The following LHX5 variants were observed in gnomAD, a reference collection of about 807,000 sequenced individuals.
LHX5 encodes the protein LIM/homeobox protein Lhx5.
Under a neutral mutation model 30.6 loss-of-function variants are expected in LHX5, and 5 were observed. The observed-to-expected ratio is 0.16, with a 90% CI of 0.09 to 0.34. The LOEUF (loss-of-function observed/expected upper bound fraction) is 0.34, where lower values mean the gene tolerates loss of function less well. LHX5 is among the 10% of genes least tolerant of loss of function. The probability of loss-of-function intolerance (pLI) is 1.00; values close to 1 mark genes in which losing one functional copy is unlikely to be tolerated. For missense variants in LHX5, 458 were observed against 570.6 expected, an observed-to-expected ratio of 0.80 and a Z score of 2.01; for synonymous variants, 266 against 252.6, an observed-to-expected ratio of 1.05 and a Z score of -0.50.
Position 113,471,607 on chromosome 12 carries a change from G to A in LHX5, c.-109C>T. The A allele has an allele frequency of 4.6e-6, 5 of 1,077,610 alleles. No homozygotes were observed. The highest frequency in any genetic ancestry group is 6.6e-6 in the Non-Finnish European group (5 of 759,976). The allele number at this position is 1,077,610 out of a possible 1,614,324, so 66.8% of individuals were successfully genotyped here. On this transcript the variant is annotated 5_prime_UTR_variant, in exon 1 of 5. Transcript: ENST00000261731. ...TCGCCTCTTGTCTCAGCAGCTGCAG[G>A]GCGAGTCTGGTCCGGACCAAGACTC...
chr12:113,468,568 C>T (rs1030806271), intron 2 of LHX5, among the ~76,000 whole-genome samples, 164 bp from the exon 3 acceptor site: 2 of 152,176 alleles, frequency 1.3e-5, no homozygotes, highest in Non-Finnish European at 2.9e-5. Context: ...CCCCAGGGAC[C>T]CGGTGCCCGC....
In LHX5 at chr12:113,463,738, G is replaced by C. The variant is rs570073739; in HGVS notation, c.842-181C>G. ...GAGACGGTGGACGTCGCAGGCTCAC[G>C]GGGAGGGTTGGGGAGAGAGACAATG... On this transcript the variant is annotated intron_variant, in intron 4 of 4. Transcript: ENST00000261731. The surrounding 1 kb of genome is among the most constrained non-coding windows in gnomAD (Gnocchi z 6.7). 9.6e-4 allele frequency among the ~76,000 whole-genome samples: 146 copies of C among 152,254 alleles called. 2 individuals are homozygous for C. The highest frequency in any genetic ancestry group is 7.5e-3 in the Admixed American group (115 of 15,302).
At chr12:113,468,997 G>T in intron 2 of LHX5, 125 bp downstream of exon 2, 1 of 723,156 alleles carries the variant, frequency 1.4e-6, no homozygotes, top group Non-Finnish European at 2.2e-6. Flanking sequence ...CCCTAGAACT[G>T]CCTGGGGCTG....
rs774044841 is a variant in LHX5, at chr12:113,468,145, G to C, written c.657C>G (p.Leu219=). 1.3e-6 allele frequency: 2 copies of C among 1,599,130 alleles called. No homozygotes were observed. Among genetic ancestry groups the C allele is most frequent in the African/African-American group, 2.7e-5 (2 of 74,686 alleles). The change falls in exon 3 of 5, where the codon CTC becomes CTG. Residue 219 remains leucine, a synonymous_variant. Coordinates refer to ENST00000261731, the MANE Select transcript of LHX5 (RefSeq NM_022363.3). ...IREQLAQETG[L]NMRVIQVWFQ... is the part of the protein sequence containing the mutation. ...GCCGCACCTGGATGACGCGCATGTT[G>C]AGGCCGGTCTCCTGCGCCAGCTGCT...
chr12:113,463,613 G>C lies in LHX5; in HGVS notation c.842-56C>G. 6.8e-7 allele frequency: 1 copy of C among 1,460,510 alleles called. No homozygotes were observed. The allele number at this position is 1,460,510 out of a possible 1,614,324, so 90.5% of individuals were successfully genotyped here. ...CGCGGTGAGAGAAGGCGAAGTAGGCGGGGGACCCGGGACCCGGGGAGGGGA... is the reference window on the plus strand; with the variant it reads ...CGCGGTGAGAGAAGGCGAAGTAGGCCGGGGACCCGGGACCCGGGGAGGGGA... On this transcript the variant is annotated intron_variant, in intron 4 of 4. Coordinates refer to ENST00000261731, the MANE Select transcript of LHX5 (RefSeq NM_022363.3). This position sits in a 1 kb window ranked among gnomAD's most constrained non-coding sequence, Gnocchi z 6.7.
chr12:113,463,393 C>A lies in LHX5; in HGVS notation c.1006G>T (p.Ala336Ser). 6.4e-7 allele frequency: 1 copy of A among 1,554,738 alleles called. No individual in the cohort carries two copies. Among genetic ancestry groups the A allele is most frequent in the East Asian group, 2.4e-5 (1 of 40,954 alleles). Reference sequence around the variant, plus strand: ...ATGTCGGTGAACCTGGGGTTGTCCGCGGCGTGCGGGCCGGCGAGCGGCGGT... The same window carrying A: ...ATGTCGGTGAACCTGGGGTTGTCCGAGGCGTGCGGGCCGGCGAGCGGCGGT... ...LEPPLAGPHA[A>S]DNPRFTDMIS... The change falls in exon 5 of 5, where the codon GCG (alanine) becomes TCG (serine). Residue 336 changes from alanine (A) to serine (S), a missense_variant. Transcript: ENST00000261731. This position sits in a 1 kb window ranked among gnomAD's most constrained non-coding sequence, Gnocchi z 6.7.
rs145928738 is a variant in LHX5 at position 113,471,739 on chromosome 12, C to G, written c.-241G>C. 5 of 468,332 alleles carry G rather than the reference C, an allele frequency of 1.1e-5. No homozygotes were observed. In the Admixed American group the frequency reaches 1.6e-4, roughly 15 times the overall value. 29.0% of individuals were successfully genotyped at this position (468,332 alleles called of 1,614,324 possible). ...ACCTCATGCCACGGGCCGCACGCCC[C>G]GGCGCCTGTTCCGGGCTTCCCCAGG... is the stretch of plus-strand genomic sequence containing the variant. On this transcript the variant is annotated 5_prime_UTR_variant, in exon 1 of 5. Coordinates refer to ENST00000261731, the MANE Select transcript of LHX5 (RefSeq NM_022363.3).
chr12:113,467,559 C>G lies in LHX5; in HGVS notation c.676-138G>C, dbSNP rs1042406268. 54 of 817,390 alleles carry G rather than the reference C, an allele frequency of 6.6e-5. No individual in the cohort carries two copies. The highest frequency in any genetic ancestry group is 8.6e-5 in the Non-Finnish European group (49 of 568,354). 50.6% of individuals were successfully genotyped at this position (817,390 alleles called of 1,614,324 possible). A position where few individuals can be genotyped will look rare whatever the true frequency, so the allele number is the denominator to read the frequency against. On this transcript the variant is annotated intron_variant, in intron 3 of 4. Coordinates refer to ENST00000261731, the MANE Select transcript of LHX5 (RefSeq NM_022363.3). This position sits in a 1 kb window ranked among gnomAD's most constrained non-coding sequence, Gnocchi z 6.3. ...GGACTCCCCCGAGGCGGGGCCGGGCCGGATTAGGCCGGGAGGGGTGGAGAG... is the reference window on the plus strand; with the variant it reads ...GGACTCCCCCGAGGCGGGGCCGGGCGGGATTAGGCCGGGAGGGGTGGAGAG...
Position 113,463,671 on chromosome 12 carries a change from C to G in LHX5, c.842-114G>C. On this transcript the variant is annotated intron_variant, in intron 4 of 4. Transcript: ENST00000261731. This position sits in a 1 kb window ranked among gnomAD's most constrained non-coding sequence, Gnocchi z 6.7. ...GGGCGAGAGAGGGGAGCGCGCGACACCGACCCAAGGTTAGAGAGACCTGCG... is the reference window on the plus strand; with the variant it reads ...GGGCGAGAGAGGGGAGCGCGCGACAGCGACCCAAGGTTAGAGAGACCTGCG... The G allele has an allele frequency of 8.6e-7, 1 of 1,158,344 alleles. No homozygotes were observed. The highest frequency in any genetic ancestry group is 1.2e-6 in the Non-Finnish European group (1 of 849,288). The allele number at this position is 1,158,344 out of a possible 1,614,324, so 71.8% of individuals were successfully genotyped here.
chr12:113,468,416 C>T lies in LHX5; in HGVS notation c.398-12G>A. On this transcript the variant is annotated splice_polypyrimidine_tract_variant and intron_variant, in intron 2 of 4. Transcript: ENST00000261731. ...CGTACAGGATGACACTGCGGGCGGACGGATCGGGAAGGGGACAGCGGCGTC... is the reference window on the plus strand; with the variant it reads ...CGTACAGGATGACACTGCGGGCGGATGGATCGGGAAGGGGACAGCGGCGTC... 6.2e-7 allele frequency: 1 copy of T among 1,600,926 alleles called. No homozygotes were observed. The highest frequency in any genetic ancestry group is 8.5e-7 in the Non-Finnish European group (1 of 1,170,726).
At position 113,463,968 on chromosome 12, in the gene LHX5, GAC is replaced by G. The variant is rs1047687633; in HGVS notation, c.842-413_842-412del. ...CCTAAGTGTCTTAGGGTCGGTGAGA[GAC>G]ACAGAGATGCGGGACAGCGAGAGAC... On this transcript the variant is annotated intron_variant, in intron 4 of 4. Transcript: ENST00000261731. This position sits in a 1 kb window ranked among gnomAD's most constrained non-coding sequence, Gnocchi z 6.7. Among the ~76,000 whole-genome samples the G allele has an allele frequency of 3.9e-5, 6 of 152,290 alleles. No individual in the cohort carries two copies. The highest frequency in any genetic ancestry group is 1.4e-4 in the African/African-American group (6 of 41,556).
intron 1 of LHX5, among the ~76,000 whole-genome samples, chr12:113,470,973 C>T (rs748501962): frequency 6.6e-6 from 1 of 152,174 alleles, no homozygotes; most frequent in Non-Finnish European, 1.5e-5. Flanking sequence ...TGCAAAAATC[C>T]TTCCTCTCTC....
rs1490139035 is a variant in LHX5 at position 113,464,424 on chromosome 12, G to A, written c.842-867C>T. On this transcript the variant is annotated intron_variant, in intron 4 of 4. Transcript: ENST00000261731. This position sits in a 1 kb window ranked among gnomAD's most constrained non-coding sequence, Gnocchi z 6.2. Reference sequence around the variant, plus strand: ...GAGCGACTGGTGGGTTGGGCCGGGCGGGGCGGCCTTGGCGCCCTAAACTCG... The same window carrying A: ...GAGCGACTGGTGGGTTGGGCCGGGCAGGGCGGCCTTGGCGCCCTAAACTCG... 6.6e-6 allele frequency among the ~76,000 whole-genome samples: 1 copy of A among 152,336 alleles called. No homozygotes were observed. Among genetic ancestry groups the A allele is most frequent in the Non-Finnish European group, 1.5e-5 (1 of 68,024 alleles).
chr12:113,463,588 C>A lies in LHX5; in HGVS notation c.842-31G>T, dbSNP rs1197087468. On this transcript the variant is annotated intron_variant, in intron 4 of 4. Transcript: ENST00000261731. This position sits in a 1 kb window ranked among gnomAD's most constrained non-coding sequence, Gnocchi z 6.7. ...GAGGGGGAGCGGGAAGGAGACAGGG[C>A]GCGGTGAGAGAAGGCGAAGTAGGCG... The A allele has an allele frequency of 2.0e-6, 3 of 1,485,132 alleles. No individual in the cohort carries two copies. The highest frequency in any genetic ancestry group is 2.7e-6 in the Non-Finnish European group (3 of 1,123,994). 92.0% of individuals were successfully genotyped at this position (1,485,132 alleles called of 1,614,324 possible).
rs1002635674 is a variant in LHX5 at position 113,467,096 on chromosome 12, G to C, written c.841+160C>G. On this transcript the variant is annotated intron_variant, in intron 4 of 4. Coordinates refer to ENST00000261731, the MANE Select transcript of LHX5 (RefSeq NM_022363.3). The surrounding 1 kb of genome is among the most constrained non-coding windows in gnomAD (Gnocchi z 6.3). ...TGGGTGAGACCATGTATCTGATTTT[G>C]TGTCCAGGACATGTGGGTGAGTGTA... Among the ~76,000 whole-genome samples, 30 of 152,022 alleles carry C rather than the reference G, an allele frequency of 2.0e-4. No homozygotes were observed. The highest frequency in any genetic ancestry group is 7.2e-4 in the African/African-American group (30 of 41,380).
rs765904008 is a variant in LHX5 at position 113,467,460 on chromosome 12, G to A, written c.676-39C>T. ...GGGGGCTGTGAACCCAGGATCAGGA[G>A]TGTCCTCTCCCCCCCTCTTCTCCCT... On this transcript the variant is annotated intron_variant, in intron 3 of 4. Coordinates refer to ENST00000261731, the MANE Select transcript of LHX5 (RefSeq NM_022363.3). The surrounding 1 kb of genome is among the most constrained non-coding windows in gnomAD (Gnocchi z 6.3). 1 of 1,440,920 alleles carries A rather than the reference G, an allele frequency of 6.9e-7. No homozygotes were observed. The allele number at this position is 1,440,920 out of a possible 1,614,324, so 89.3% of individuals were successfully genotyped here.
Position 113,467,880 on chromosome 12 carries a change from G to A in LHX5, c.675+247C>T, listed in dbSNP as rs1958224696. Among the ~76,000 whole-genome samples, 1 of 152,258 alleles carries A rather than the reference G, an allele frequency of 6.6e-6. No homozygotes were observed. The highest frequency in any genetic ancestry group is 1.5e-5 in the Non-Finnish European group (1 of 68,042). The stretch of plus-strand genomic sequence containing the variant: ...TTACAACCTTCCATAAGCAAGGCGG[G>A]GGGCGGAATTCAGAGAGGTAAAGTG... On this transcript the variant is annotated intron_variant, in intron 3 of 4. Coordinates refer to ENST00000261731, the MANE Select transcript of LHX5 (RefSeq NM_022363.3). This position sits in a 1 kb window ranked among gnomAD's most constrained non-coding sequence, Gnocchi z 6.3.
At position 113,468,265 on chromosome 12, in the gene LHX5, C is replaced by T; in HGVS notation, c.537G>A (p.Lys179=). The T allele has an allele frequency of 6.2e-7, 1 of 1,614,112 alleles. No individual in the cohort carries two copies. The highest frequency in any genetic ancestry group is 8.5e-7 in the Non-Finnish European group (1 of 1,179,952). Residue 179 remains lysine (K), a synonymous_variant, in exon 3 of 5, where the codon AAG becomes AAA. Transcript: ENST00000261731. The part of the protein sequence containing the change: ...NENEEQNSGT[K]RRGPRTTIKA... ...TGATGGTGGTGCGGGGGCCGCGCCG[C>T]TTGGTGCCCGAGTTCTGCTCCTCGT...
rs1217846791 is a variant in LHX5, at chr12:113,466,597, T to G, written c.841+659A>C. Among the ~76,000 whole-genome samples, 1 of 152,176 alleles carries G rather than the reference T, an allele frequency of 6.6e-6. No homozygotes were observed. Among genetic ancestry groups the G allele is most frequent in the East Asian group, 1.9e-4 (1 of 5,198 alleles). On this transcript the variant is annotated intron_variant, in intron 4 of 4. Coordinates refer to ENST00000261731, the MANE Select transcript of LHX5 (RefSeq NM_022363.3). The surrounding 1 kb of genome is among the most constrained non-coding windows in gnomAD (Gnocchi z 6.5). ...GGGGCTGGAGGGTGGACTACAGTCC[T>G]GCCCAGAGCAACTGCCGGCATTTGG...
Sources: allele counts gnomAD v4.1 joint callset (sites outside exome capture counted in the v4.1 genomes callset), GRCh38; gene constraint gnomAD v4.1.1; non-coding constraint Gnocchi (gnomAD v3.1); transcripts MANE v1.5; gene names NCBI Gene and HGNC (gene_info 2026-07-23, HGNC 2026-07-21).